CAMKMT: variants seen among roughly 807,000 people sequenced by gnomAD.
CAMKMT encodes the protein CaM KMT.
Under a neutral mutation model 48.0 loss-of-function variants are expected in CAMKMT, and 53 were observed. The observed-to-expected ratio is 1.10, with a 90% CI of 0.89 to 1.39. The LOEUF is 1.39. Ranked by LOEUF, CAMKMT falls within the 40% of genes most tolerant of loss-of-function variation. The pLI, the probability that CAMKMT is intolerant of heterozygous loss-of-function variation, is 0.00. For missense variants in CAMKMT, 428 were observed against 402.7 expected (o/e 1.06, Z -0.54); for synonymous variants, 165 against 152.3 (o/e 1.08, Z -0.61).
At chr2:44,622,891 G>T (rs1364237284) in intron 3 of CAMKMT, among the ~76,000 whole-genome samples, 1 of 152,088 alleles carries the variant, frequency 6.6e-6, no homozygotes, top group Non-Finnish European at 1.5e-5. Flanking sequence ...TCAATTTTCA[G>T]TTCTTTTCAG....
At chr2:44,741,117 T>C (rs1356227984) in intron 7 of CAMKMT, among the ~76,000 whole-genome samples, 1 of 152,226 alleles carries the variant, frequency 6.6e-6, no homozygotes, top group Non-Finnish European at 1.5e-5. Context: ...AAGCATATGA[T>C]CAGTGGACTT....
At chr2:44,518,295 T>G (rs1670933326) in intron 3 of CAMKMT, among the ~76,000 whole-genome samples, 1 of 152,248 alleles carries the variant, frequency 6.6e-6, no homozygotes, top group Admixed American at 6.5e-5. Context: ...GCCTGCCATG[T>G]GGCATAACTA....
chr2:44,410,816 AAAAC>A (rs956011182), intron 3 of CAMKMT, among the ~76,000 whole-genome samples: 292 of 152,328 alleles, frequency 1.9e-3, no homozygotes, highest in African/African-American at 6.6e-3. Flanking sequence ...TAAGAGGTTA[AAAAC>A]AAACAAATTC....
At chr2:44,577,560 A>G (rs1321212458) in intron 3 of CAMKMT, among the ~76,000 whole-genome samples, 1 of 151,174 alleles carries the variant, frequency 6.6e-6, no homozygotes, top group East Asian at 2.0e-4. Flanking sequence ...TCCAGGCTGC[A>G]GTGATCTATG....
At chr2:44,606,668 C>T (rs1671301225) in intron 3 of CAMKMT, among the ~76,000 whole-genome samples, 1 of 151,738 alleles carries the variant, frequency 6.6e-6, no homozygotes, top group Non-Finnish European at 1.5e-5. Context: ...ATGTTCTTAC[C>T]TTAGCAAAGG....
At chr2:44,714,728 T>C (rs1678075427) in intron 6 of CAMKMT, among the ~76,000 whole-genome samples, 1 of 152,138 alleles carries the variant, frequency 6.6e-6, no homozygotes, top group African/African-American at 2.4e-5. Flanking sequence ...ATGGCACCTA[T>C]GGGACAGTCA....
intron 3 of CAMKMT, among the ~76,000 whole-genome samples, chr2:44,472,217 C>A (rs1668458387): frequency 6.6e-6 from 1 of 151,766 alleles, no homozygotes; most frequent in Non-Finnish European, 1.5e-5. Flanking sequence ...ACTACAGGTG[C>A]CCGCCACCAC....
intron 2 of CAMKMT, among the ~76,000 whole-genome samples, chr2:44,379,192 T>C (rs76593322): frequency 0.025 from 3,777 of 152,332 alleles, 178 homozygotes; most frequent in African/African-American, 0.087. Flanking sequence ...GTCTGTCTTC[T>C]TTCACTGAGC....
intron 3 of CAMKMT, among the ~76,000 whole-genome samples, chr2:44,563,574 T>C (rs1272547603): frequency 6.6e-6 from 1 of 152,166 alleles, no homozygotes; most frequent in Non-Finnish European, 1.5e-5. Context: ...GCTGCACCCA[T>C]TAACTCATCA....
intron 7 of CAMKMT, among the ~76,000 whole-genome samples, chr2:44,716,275 A>G (rs1179083616): frequency 6.6e-6 from 1 of 152,072 alleles, no homozygotes; most frequent in Non-Finnish European, 1.5e-5. Flanking sequence ...TATTAGTTAT[A>G]TAAACTACTC....
At chr2:44,674,112 C>A (rs1393291878) in intron 3 of CAMKMT, among the ~76,000 whole-genome samples, 1 of 152,210 alleles carries the variant, frequency 6.6e-6, no homozygotes, top group South Asian at 2.1e-4. Flanking sequence ...TCTGACAGGT[C>A]TCACTAAATT....
At chr2:44,693,648 G>A (rs1287014619) in intron 3 of CAMKMT, among the ~76,000 whole-genome samples, 1 of 152,208 alleles carries the variant, frequency 6.6e-6, no homozygotes, top group East Asian at 1.9e-4. Flanking sequence ...GCATTCTGTA[G>A]TCCTCTTGTG....
At chr2:44,479,641 C>G (rs1159157026) in intron 3 of CAMKMT, among the ~76,000 whole-genome samples, 2 of 152,134 alleles carry the variant, frequency 1.3e-5, no homozygotes, top group African/African-American at 2.4e-5. Context: ...GGCAGCAGTT[C>G]CTACAGTTTC....
At chr2:44,460,021 G>A (rs1667770020) in intron 3 of CAMKMT, among the ~76,000 whole-genome samples, 1 of 152,172 alleles carries the variant, frequency 6.6e-6, no homozygotes, top group Non-Finnish European at 1.5e-5. Context: ...AACTGATAGA[G>A]TTGGCAAATA....
intron 3 of CAMKMT, among the ~76,000 whole-genome samples, chr2:44,435,581 G>A (rs563311209): frequency 1.6e-4 from 25 of 152,294 alleles, no homozygotes; most frequent in African/African-American, 5.5e-4. Flanking sequence ...AAGGTGATCC[G>A]AGTGAATCAA....
chr2:44,723,840 T>G (rs1471413833), intron 7 of CAMKMT: 1 of 152,132 alleles, frequency 6.6e-6, no homozygotes, highest in Non-Finnish European at 1.5e-5. Flanking sequence ...TGAGACCTAA[T>G]TTTTCTTCCC....
At chr2:44,501,437 T>C (rs1670001489) in intron 3 of CAMKMT, among the ~76,000 whole-genome samples, 1 of 152,190 alleles carries the variant, frequency 6.6e-6, no homozygotes, top group Admixed American at 6.6e-5. Context: ...AAAGGGTCTA[T>C]TTTAAATGCT....
chr2:44,366,643 T>C (rs572147408), intron 1 of CAMKMT, among the ~76,000 whole-genome samples: 1 of 152,328 alleles, frequency 6.6e-6, no homozygotes, highest in Admixed American at 6.5e-5. Context: ...TTGTTTTGAG[T>C]ATTTGAGATA....
At chr2:44,429,832 A>G (rs1204323658) in intron 3 of CAMKMT, among the ~76,000 whole-genome samples, 2 of 141,252 alleles carry the variant, frequency 1.4e-5, no homozygotes, top group East Asian at 4.3e-4. Context: ...AAAAAAAAAG[A>G]CAAAAGAATA....
Sources: gnomAD v4.1 joint callset for allele counts (sites outside exome capture counted in the v4.1 genomes callset) on GRCh38, gnomAD v4.1.1 for gene constraint, MANE v1.5 for transcripts, NCBI Gene and HGNC (gene_info 2026-07-23, HGNC 2026-07-21) for gene names.